PTPN21: variants seen among roughly 807,000 people sequenced by gnomAD.
PTPN21 encodes tyrosine-protein phosphatase non-receptor type 21.
A neutral mutation model predicts 131.8 loss-of-function variants in PTPN21; 77 were observed. The observed-to-expected ratio is 0.58, with a 90% CI of 0.49 to 0.71. The LOEUF (loss-of-function observed/expected upper bound fraction) is 0.71, where lower values mean the gene tolerates loss of function less well. Among genes scored for constraint, PTPN21 ranks in the 30% least tolerant of loss-of-function variants. The pLI, the probability that PTPN21 is intolerant of heterozygous loss-of-function variation, is 0.00. For missense variants in PTPN21, 1,552 were observed against 1,527.1 expected (o/e 1.02, Z -0.27); for synonymous variants, 715 against 621.3 (o/e 1.15, Z -2.24).
chr14:88,484,655 A>C (rs564016996), intron 12 of PTPN21, among the ~76,000 whole-genome samples: 2 of 152,234 alleles, frequency 1.3e-5, no homozygotes, highest in East Asian at 3.9e-4. Flanking sequence ...CAAGAACCCA[A>C]ATATACCTGG....
At chr14:88,542,478 A>G (rs2078720306) in intron 2 of PTPN21, among the ~76,000 whole-genome samples, 1 of 152,204 alleles carries the variant, frequency 6.6e-6, no homozygotes, top group Non-Finnish European at 1.5e-5. Context: ...TGGTAAGAAA[A>G]TAAGGACATC....
At chr14:88,517,393 A>G (rs534832124) in intron 2 of PTPN21, 132 bp from the exon 3 acceptor site, 65 of 987,434 alleles carry the variant, frequency 6.6e-5, no homozygotes, top group South Asian at 3.9e-4. Context: ...GAGAAGAACA[A>G]CAGCAAAAAC....
At position 88,497,278 on chromosome 14, in the gene PTPN21, A is replaced by C; in HGVS notation, c.777T>G (p.Ile259Met). The C allele has an allele frequency of 6.2e-7, 1 of 1,613,114 alleles. No individual in the cohort carries two copies. The highest frequency in any genetic ancestry group is 8.5e-7 in the Non-Finnish European group (1 of 1,179,074). ...RHPVVFRWHD[I>M]ANMSHNKSFF... is the part of the protein sequence containing the mutation. ...AGGACTTGTTGTGGGACATGTTGGC[A>C]ATGTCATGCCACCTAAAGAACAGCA... The change falls in exon 9 of 19, where the codon ATT becomes ATG. Residue 259 changes from isoleucine (I) to methionine (M), a missense_variant. By Grantham distance (10) the Ile-to-Met change is conservative. Coordinates refer to ENST00000556564, the MANE Select transcript of PTPN21 (RefSeq NM_007039.4).
chr14:88,482,841 G>A (rs908568639), intron 12 of PTPN21, among the ~76,000 whole-genome samples: 3 of 151,490 alleles, frequency 2.0e-5, no homozygotes, highest in Non-Finnish European at 2.9e-5. Flanking sequence ...CCAGAGGGCC[G>A]CTTTAACAGA....
intron 8 of PTPN21, among the ~76,000 whole-genome samples, chr14:88,498,901 T>C (rs1264639891): frequency 2.3e-5 from 2 of 86,572 alleles, no homozygotes; most frequent in Non-Finnish European, 7.1e-5. Flanking sequence ...TCCTTCTCCA[T>C]TAGATTTATT....
At chr14:88,535,481 A>G (rs2078617064) in intron 2 of PTPN21, among the ~76,000 whole-genome samples, 1 of 152,142 alleles carries the variant, frequency 6.6e-6, no homozygotes. Flanking sequence ...GGAATGTCTC[A>G]CTTCCTCACT....
chr14:88,500,796 GATGCCTTCCAT>G lies in PTPN21; in HGVS notation c.740_750del (p.Asn247ThrfsTer5). The G allele has an allele frequency of 6.2e-7, 1 of 1,611,054 alleles. No homozygotes were observed. Among genetic ancestry groups the G allele is most frequent in the South Asian group, 1.1e-5 (1 of 90,992 alleles). ...TAAGAAAAATACCTAAATACCACAG[GATGCCTTCCAT>G]TCTTGTGTTTCACAAAGATACCTTC... On this transcript the variant is annotated frameshift_variant, in exon 8 of 19. Coordinates refer to ENST00000556564, the MANE Select transcript of PTPN21 (RefSeq NM_007039.4). LOFTEE classifies it high-confidence loss of function.
intron 3 of PTPN21, among the ~76,000 whole-genome samples, chr14:88,508,830 G>T (rs1220483939): frequency 6.6e-6 from 1 of 152,162 alleles, no homozygotes; most frequent in African/African-American, 2.4e-5. Flanking sequence ...CTGTTAAGAT[G>T]CTTTCTTAAT....
At position 88,480,272 on chromosome 14, in the gene PTPN21, C is replaced by T; in HGVS notation, c.1159G>A (p.Gly387Ser). ...TAGACACTGCCATTACGGATCCGACCGTTGAGGTCAATCTGGGCTCTATCC... is the reference window on the plus strand; with the variant it reads ...TAGACACTGCCATTACGGATCCGACTGTTGAGGTCAATCTGGGCTCTATCC... Reference protein sequence around the residue: ...SLDRAQIDLNGRIRNGSVYSA... With the variant: ...SLDRAQIDLNSRIRNGSVYSA... The change falls in exon 13 of 19, where the codon GGT becomes AGT. Residue 387 changes from glycine (G) to serine (S), a missense_variant. Gly to Ser is a moderately conservative substitution (Grantham distance 56, BLOSUM62 0). Around this residue, in one of 4 missense-constraint regions of PTPN21, gnomAD observed 1,016 missense variants for 883.5 expected, o/e 1.15. Coordinates refer to ENST00000556564, the MANE Select transcript of PTPN21 (RefSeq NM_007039.4). The T allele has an allele frequency of 6.2e-7, 1 of 1,614,114 alleles. No homozygotes were observed. The highest frequency in any genetic ancestry group is 8.5e-7 in the Non-Finnish European group (1 of 1,179,994).
intron 13 of PTPN21, among the ~76,000 whole-genome samples, chr14:88,477,773 G>A (rs2077570005): frequency 6.6e-6 from 1 of 152,146 alleles, no homozygotes; most frequent in East Asian, 1.9e-4. Flanking sequence ...GAGGAGTGGA[G>A]ATGTGGGCCA....
intron 4 of PTPN21, among the ~76,000 whole-genome samples, chr14:88,506,969 C>T (rs1312604905): frequency 6.6e-6 from 1 of 151,922 alleles, no homozygotes; most frequent in Non-Finnish European, 1.5e-5. Flanking sequence ...TCGCTTGAAC[C>T]CAGGAGGCGG....
Position 88,508,072 on chromosome 14 carries a change from A to T in PTPN21, c.351-52T>A, listed in dbSNP as rs190423566. ...TCAATGTCAATATTATCTCATTGAG[A>T]TACAATGCATTTAACCATAATTTGG... is the stretch of plus-strand genomic sequence containing the variant. On this transcript the variant is annotated intron_variant, in intron 3 of 18. Coordinates refer to ENST00000556564, the MANE Select transcript of PTPN21 (RefSeq NM_007039.4). The T allele has an allele frequency of 1.5e-3, 1,436 of 988,618 alleles. 19 individuals are homozygous for T. The African/African-American group carries it at 0.021, about 14-fold the overall frequency. 61.2% of individuals were successfully genotyped at this position (988,618 alleles called of 1,614,324 possible). A position where few individuals can be genotyped will look rare whatever the true frequency, so the allele number is the denominator to read the frequency against.
In PTPN21 at chr14:88,500,843, C is replaced by A. The variant is rs2077997160; in HGVS notation, c.704G>T (p.Gly235Val). Residue 235 changes from glycine to valine, a missense_variant, in exon 8 of 19, where the codon GGA becomes GTA. Around this residue, in one of 4 missense-constraint regions of PTPN21, gnomAD observed 1,016 missense variants for 883.5 expected, o/e 1.15. Transcript: ENST00000556564. ...CACAAAGATACCTTCAAGACACGCT[C>A]CAATGGATATGTCACTTCCTTGGCT... Reference protein sequence around the residue: ...KDSQGSDISIGACLEGIFVKH... With the variant: ...KDSQGSDISIVACLEGIFVKH... The A allele has an allele frequency of 1.2e-6, 2 of 1,613,844 alleles. No individual in the cohort carries two copies. Among genetic ancestry groups the A allele is most frequent in the South Asian group, 2.2e-5 (2 of 91,056 alleles).
intron 7 of PTPN21, 65 bp from the exon 8 acceptor site, chr14:88,500,936 T>C (rs45446997): frequency 0.091 from 104,443 of 1,152,824 alleles, 5,714 homozygotes; most frequent in Non-Finnish European, 0.11. Flanking sequence ...CTGCTAGAGT[T>C]CCCTGGACTG....
intron 6 of PTPN21, among the ~76,000 whole-genome samples, chr14:88,502,308 T>C (rs1220767079): frequency 6.6e-6 from 1 of 152,162 alleles, no homozygotes; most frequent in Admixed American, 6.5e-5. Flanking sequence ...CTCTTCTTGG[T>C]GTGCCTGTGA....
At chr14:88,523,987 T>C (rs2078439208) in intron 2 of PTPN21, among the ~76,000 whole-genome samples, 1 of 152,078 alleles carries the variant, frequency 6.6e-6, no homozygotes, top group Non-Finnish European at 1.5e-5. Context: ...AAAATCTAAA[T>C]AAATAGAAAG....
At chr14:88,493,374 G>A (rs910941504) in intron 10 of PTPN21, among the ~76,000 whole-genome samples, 4 of 152,216 alleles carry the variant, frequency 2.6e-5, no homozygotes, top group African/African-American at 9.6e-5. Context: ...CTAAGAGTCT[G>A]TCAGAGAAGG....
intron 11 of PTPN21, 114 bp from the exon 12 acceptor site, chr14:88,485,274 A>C (rs1467638924): frequency 5.3e-6 from 3 of 561,446 alleles, no homozygotes; most frequent in Non-Finnish European, 9.1e-6. Flanking sequence ...AATTAAATAT[A>C]TTATATATGG....
chr14:88,547,238 C>T lies in PTPN21; in HGVS notation c.180+3000G>A, dbSNP rs950720121. 7.4e-5 allele frequency among the ~76,000 whole-genome samples: 11 copies of T among 149,344 alleles called. No individual in the cohort carries two copies. In the Admixed American group the frequency reaches 7.4e-4, roughly 10 times the overall value. ...TTCCTCAAGAAGCTGACTCTCTAGG[C>T]GTTATAGACAGACCTGGTGCACGAG... On this transcript the variant is annotated intron_variant, in intron 2 of 18. Transcript: ENST00000556564.
Sources: gnomAD v4.1 joint callset for allele counts (sites outside exome capture counted in the v4.1 genomes callset) on GRCh38, gnomAD v4.1.1 for gene constraint, gnomAD v4.1.1 regional missense constraint, MANE v1.5 for transcripts, NCBI Gene and HGNC (gene_info 2026-07-23, HGNC 2026-07-21) for gene names.